Variants in MNT observed in about 807,000 individuals in gnomAD.
MNT encodes MAX network transcriptional repressor.
In MNT, 13 loss-of-function variants were observed where a neutral mutation model predicts 40.7. The observed-to-expected ratio is 0.32, with a 90% CI of 0.21 to 0.51. The LOEUF (loss-of-function observed/expected upper bound fraction) is 0.51, where lower values mean the gene tolerates loss of function less well. MNT is among the 20% of genes least tolerant of loss of function. The pLI, the probability that MNT is intolerant of heterozygous loss-of-function variation, is 0.98. For missense variants in MNT, 757 were observed against 792.0 expected (o/e 0.96, Z 0.53); for synonymous variants, 426 against 354.8 (o/e 1.20, Z -2.26).
rs752173068 is a variant in MNT, at chr17:2,395,436, C to T, written c.92G>A (p.Arg31His). The T allele has an allele frequency of 7.4e-6, 12 of 1,612,384 alleles. No individual in the cohort carries two copies. The highest frequency in any genetic ancestry group is 1.0e-5 in the Non-Finnish European group (12 of 1,179,570). ...TTCCTGCTCTCGCTCCTGCTCCAAGCGAAGCCGCTCCTGCTCCTCTACACA... is the reference window on the plus strand; with the variant it reads ...TTCCTGCTCTCGCTCCTGCTCCAAGTGAAGCCGCTCCTGCTCCTCTACACA... Reference protein sequence around the residue: ...QRAREEQERLRLEQEREQEQK... With the variant: ...QRAREEQERLHLEQEREQEQK... Residue 31 changes from arginine to histidine, a missense_variant, in exon 2 of 6, where the codon CGC becomes CAC. This residue lies in a region of MNT where 335 missense variants were observed against 291.4 expected (regional missense o/e 1.15). Transcript: ENST00000174618.
intron 4 of MNT, among the ~76,000 whole-genome samples, chr17:2,392,526 G>A (rs543051451): frequency 2.0e-5 from 3 of 152,366 alleles, no homozygotes; most frequent in South Asian, 2.1e-4. Context: ...CTAAGCAAAT[G>A]TCGGGAGTGC....
rs768563139 is a variant in MNT, at chr17:2,395,400, G to T, written c.128C>A (p.Ala43Asp). 1.2e-6 allele frequency: 2 copies of T among 1,613,448 alleles called. No homozygotes were observed. Among genetic ancestry groups the T allele is most frequent in the Non-Finnish European group, 1.7e-6 (2 of 1,179,932 alleles). ...EQEREQEQKK[A>D]NSLARLAHTL... ...ATGTGCCAGCCTGGCCAGGCTATTG[G>T]CCTTCTTCTGTTCCTGCTCTCGCTC... Residue 43 changes from alanine to aspartate, a missense_variant, in exon 2 of 6, where the codon GCC (alanine) becomes GAC (aspartate). Transcript: ENST00000174618.
At chr17:2,400,559 C>T in intron 1 of MNT, 81 bp downstream of exon 1, 1 of 1,393,858 alleles carries the variant, frequency 7.2e-7, no homozygotes, top group Non-Finnish European at 9.5e-7. Context: ...GGGCCCTGTC[C>T]GCGGTTTCGC....
intron 5 of MNT, 94 bp downstream of exon 5, chr17:2,387,763 T>C: frequency 6.5e-7 from 1 of 1,549,924 alleles, no homozygotes; most frequent in Admixed American, 1.8e-5. Flanking sequence ...AGGGCCATCT[T>C]TTCTAGCAGG....
In MNT at chr17:2,384,585, T is replaced by C. The variant is rs1224656118; in HGVS notation, c.*2316A>G. The C allele has an allele frequency of 7.8e-6, 1 of 128,032 alleles. No individual in the cohort carries two copies. The highest frequency in any genetic ancestry group is 2.9e-5 in the African/African-American group (1 of 34,872). The allele number at this position is 128,032 out of a possible 1,614,324, so 7.9% of individuals were successfully genotyped here. A position where few individuals can be genotyped will look rare whatever the true frequency, so the allele number is the denominator to read the frequency against. On this transcript the variant is annotated 3_prime_UTR_variant, in exon 6 of 6. Transcript: ENST00000174618. Reference sequence around the variant, plus strand: ...AAACACGCATGAGAGGTAAGATGTGTGCGTGTGCGTGCGTGTGTGTGTGTG... The same window carrying C: ...AAACACGCATGAGAGGTAAGATGTGCGCGTGTGCGTGCGTGTGTGTGTGTG...
At chr17:2,398,244 C>G (rs1292241789) in intron 1 of MNT, among the ~76,000 whole-genome samples, 1 of 152,246 alleles carries the variant, frequency 6.6e-6, no homozygotes, top group Non-Finnish European at 1.5e-5. Flanking sequence ...TCTATGAACA[C>G]TAGAAATGAC....
chr17:2,400,432 C>T (rs997472922), intron 1 of MNT: 19 of 477,016 alleles, frequency 4.0e-5, no homozygotes, highest in African/African-American at 2.9e-4. Flanking sequence ...GGAGCCAGGT[C>T]CCTCGCAGCA....
rs1446642055 is a variant in MNT at position 2,385,016 on chromosome 17, G to A, written c.*1885C>T. On this transcript the variant is annotated 3_prime_UTR_variant, in exon 6 of 6. Coordinates refer to ENST00000174618, the MANE Select transcript of MNT (RefSeq NM_020310.3). ...CCCGTGGGTCAGGCCTGCCATCGCT[G>A]TCACAATGGGAATAGCAAAGCTGGC... 6.6e-6 allele frequency: 1 copy of A among 152,280 alleles called. No homozygotes were observed. Among genetic ancestry groups the A allele is most frequent in the Non-Finnish European group, 1.5e-5 (1 of 68,082 alleles). The allele number at this position is 152,280 out of a possible 1,614,324, so 9.4% of individuals were successfully genotyped here. A position where few individuals can be genotyped will look rare whatever the true frequency, so the allele number is the denominator to read the frequency against.
At chr17:2,389,793 C>T (rs2066498363) in intron 4 of MNT, 2 of 152,332 alleles carry the variant, frequency 1.3e-5, no homozygotes, top group Non-Finnish European at 2.9e-5. Context: ...TGTCTCCAGC[C>T]CCCTGGCACT....
At position 2,400,624 on chromosome 17, in the gene MNT, C is replaced by T. The variant is rs1164757923; in HGVS notation, c.73+16G>A. 3 of 1,574,494 alleles carry T rather than the reference C, an allele frequency of 1.9e-6. No homozygotes were observed. The highest frequency in any genetic ancestry group is 2.6e-6 in the Non-Finnish European group (3 of 1,164,522). On this transcript the variant is annotated intron_variant, in intron 1 of 5. Coordinates refer to ENST00000174618, the MANE Select transcript of MNT (RefSeq NM_020310.3). Reference sequence around the variant, plus strand: ...CCCCTTCCCCAGTGCCCCAGGGGCCCAGCCCGGCCGCTCACCACGTGCTCT... The same window carrying T: ...CCCCTTCCCCAGTGCCCCAGGGGCCTAGCCCGGCCGCTCACCACGTGCTCT...
At chr17:2,400,503 T>A in intron 1 of MNT, 137 bp downstream of exon 1, 1 of 720,084 alleles carries the variant, frequency 1.4e-6, no homozygotes. Context: ...GCGGCGGCTC[T>A]CGCGGGGAGC....
rs566888267 is a variant in MNT, at chr17:2,400,069, C to A, written c.73+571G>T. ...AAGGCCGCCTCCGCCCCAAGCGGCG[C>A]GTAGATCTGCCGGGAGCGCCCCCCG... On this transcript the variant is annotated intron_variant, in intron 1 of 5. Coordinates refer to ENST00000174618, the MANE Select transcript of MNT (RefSeq NM_020310.3). Among the ~76,000 whole-genome samples the A allele has an allele frequency of 7.2e-5, 11 of 152,090 alleles. No individual in the cohort carries two copies. The South Asian group carries it at 2.3e-3, about 32-fold the overall frequency.
In MNT at chr17:2,387,037, G is replaced by C. The variant is rs750619935; in HGVS notation, c.1613C>G (p.Pro538Arg). ...GGCCGGCTTTGCCATGACAGTAGCC[G>C]GGGGCCCCAGGCCGGCCGTGCCGTT... ...QVNGTAGLGP[P>R]ATVMAKPAVG... The change falls in exon 6 of 6, where the codon CCG (proline) becomes CGG (arginine). Residue 538 changes from proline (P) to arginine (R), a missense_variant. By Grantham distance (103) the Pro-to-Arg change is moderately radical. Transcript: ENST00000174618. The C allele has an allele frequency of 5.8e-6, 9 of 1,552,566 alleles. No homozygotes were observed. Among genetic ancestry groups the C allele is most frequent in the Non-Finnish European group, 7.8e-6 (9 of 1,147,614 alleles).
intron 1 of MNT, 92 bp from the exon 2 acceptor site, chr17:2,395,546 T>G: frequency 6.4e-7 from 1 of 1,567,890 alleles, no homozygotes; most frequent in South Asian, 1.1e-5. Flanking sequence ...CAGTCAGTAC[T>G]CAGTGACACC....
At chr17:2,393,939 GGGGGAGCCGCC>G (rs2066550023) in intron 4 of MNT, 93 bp downstream of exon 4, 1 of 679,036 alleles carries the variant, frequency 1.5e-6, no homozygotes, top group African/African-American at 1.9e-5. Context: ...AGGGAGGCGC[GGGGGAGCCGCC>G]GGGGCGTGAG....
rs1344630300 is a variant in MNT at position 2,385,869 on chromosome 17, C to A, written c.*1032G>T. 6.6e-6 allele frequency: 1 copy of A among 152,330 alleles called. No homozygotes were observed. The highest frequency in any genetic ancestry group is 1.5e-5 in the Non-Finnish European group (1 of 68,128). The allele number at this position is 152,330 out of a possible 1,614,324, so 9.4% of individuals were successfully genotyped here. On this transcript the variant is annotated 3_prime_UTR_variant, in exon 6 of 6. Transcript: ENST00000174618. ...GCTTCTATGCTCCTGGAAACAAGAC[C>A]AGATGCTGGTCCATGTCTCCCAAAC...
Position 2,394,856 on chromosome 17 carries a change from C to A in MNT, c.653+19G>T. ...CTCTCCTATCCCCCACCAGCCCGACCCCGCCACACCCCACTCACCCCCCGG... is the reference window on the plus strand; with the variant it reads ...CTCTCCTATCCCCCACCAGCCCGACACCGCCACACCCCACTCACCCCCCGG... On this transcript the variant is annotated intron_variant, in intron 2 of 5. Transcript: ENST00000174618. 1 of 1,546,066 alleles carries A rather than the reference C, an allele frequency of 6.5e-7. No homozygotes were observed. Among genetic ancestry groups the A allele is most frequent in the Non-Finnish European group, 8.7e-7 (1 of 1,143,108 alleles).
At chr17:2,397,806 TGCTC>T (rs2066587789) in intron 1 of MNT, among the ~76,000 whole-genome samples, 1 of 152,172 alleles carries the variant, frequency 6.6e-6, no homozygotes, top group Non-Finnish European at 1.5e-5. Context: ...TGGTGGCTGG[TGCTC>T]CCTCAGGAGC....
In MNT at chr17:2,395,402, C is replaced by T. The variant is rs776554134; in HGVS notation, c.126G>A (p.Lys42=). Reference sequence around the variant, plus strand: ...GTGCCAGCCTGGCCAGGCTATTGGCCTTCTTCTGTTCCTGCTCTCGCTCCT... The same window carrying T: ...GTGCCAGCCTGGCCAGGCTATTGGCTTTCTTCTGTTCCTGCTCTCGCTCCT... The part of the protein sequence containing the change: ...LEQEREQEQK[K]ANSLARLAHT... The change falls in exon 2 of 6, where the codon AAG becomes AAA. Residue 42 remains lysine (K), a synonymous_variant. Coordinates refer to ENST00000174618, the MANE Select transcript of MNT (RefSeq NM_020310.3). 7.4e-6 allele frequency: 12 copies of T among 1,613,488 alleles called. No individual in the cohort carries two copies. The highest frequency in any genetic ancestry group is 1.0e-5 in the Non-Finnish European group (12 of 1,179,820).
Sources: allele counts gnomAD v4.1 joint callset (sites outside exome capture counted in the v4.1 genomes callset), GRCh38; gene constraint gnomAD v4.1.1; regional missense constraint gnomAD v4.1.1; transcripts MANE v1.5; gene names NCBI Gene and HGNC (gene_info 2026-07-23, HGNC 2026-07-21).